The following LYPD6 variants were observed in gnomAD, a reference collection of about 807,000 sequenced individuals.
The protein encoded by LYPD6 is ly6/PLAUR domain-containing protein 6.
In LYPD6, 15 loss-of-function variants were observed where a neutral mutation model predicts 22.7. The ratio of observed to expected loss-of-function variants is 0.66; its 90% confidence interval spans 0.44 to 1.02. LYPD6 has a LOEUF of 1.02. Ranked by LOEUF, LYPD6 falls within the 50% of genes least tolerant of loss-of-function variation. The probability of loss-of-function intolerance (pLI) is 0.00; values close to 1 mark genes in which losing one functional copy is unlikely to be tolerated. For missense variants in LYPD6, 189 were observed against 208.4 expected (o/e 0.91, Z 0.57); for synonymous variants, 72 against 77.5 (o/e 0.93, Z 0.37).
intron 2 of LYPD6, among the ~76,000 whole-genome samples, chr2:149,439,254 A>G (rs1573809052): frequency 6.6e-6 from 1 of 152,306 alleles, no homozygotes; most frequent in Middle Eastern, 3.4e-3. Flanking sequence ...GTACCCTCTT[A>G]TCAGTATAGT....
At chr2:149,338,777 T>C (rs1412204090) in intron 1 of LYPD6, among the ~76,000 whole-genome samples, 1 of 152,174 alleles carries the variant, frequency 6.6e-6, no homozygotes, top group African/African-American at 2.4e-5. Context: ...CCAGAAGGGA[T>C]CTAGGAGTCA....
chr2:149,420,640 G>A lies in LYPD6; in HGVS notation c.-71-16998G>A, dbSNP rs976722529. On this transcript the variant is annotated intron_variant, in intron 1 of 4. Transcript: ENST00000334166. ...TGAAGAGAATCCCATCAGGTTTAGGGCTGAGCATTGTAGAAACCAGGAAAG... is the reference window on the plus strand; with the variant it reads ...TGAAGAGAATCCCATCAGGTTTAGGACTGAGCATTGTAGAAACCAGGAAAG... Among the ~76,000 whole-genome samples, 3 of 152,164 alleles carry A rather than the reference G, an allele frequency of 2.0e-5. No individual in the cohort carries two copies. In the East Asian group the frequency reaches 5.8e-4, roughly 29 times the overall value.
rs142368740 is a variant in LYPD6 at position 149,384,537 on chromosome 2, G to A, written c.-71-53101G>A. 1.3e-3 allele frequency among the ~76,000 whole-genome samples: 201 copies of A among 152,180 alleles called. 2 individuals carry two copies. The highest frequency in any genetic ancestry group is 2.5e-3 in the Non-Finnish European group (171 of 67,988). On this transcript the variant is annotated intron_variant, in intron 1 of 4. Coordinates refer to ENST00000334166, the MANE Select transcript of LYPD6 (RefSeq NM_194317.5). ...CCCCAGTCATGGGCACTGGTTGGGGGAACATTCCATTTGACATGGCGCCTA... is the reference window on the plus strand; with the variant it reads ...CCCCAGTCATGGGCACTGGTTGGGGAAACATTCCATTTGACATGGCGCCTA...
chr2:149,357,700 A>G (rs528843068), intron 1 of LYPD6, among the ~76,000 whole-genome samples: 2 of 152,250 alleles, frequency 1.3e-5, no homozygotes, highest in South Asian at 2.1e-4. Context: ...ATTTTATTCA[A>G]TTAATTTTCA....
Position 149,451,002 on chromosome 2 carries a change from T to A in LYPD6, c.217+1855T>A, listed in dbSNP as rs7600542. Among the ~76,000 whole-genome samples the A allele has an allele frequency of 7.6e-3, 1,161 of 152,338 alleles. 14 individuals carry two copies. The highest frequency in any genetic ancestry group is 0.026 in the African/African-American group (1,083 of 41,572). On this transcript the variant is annotated intron_variant, in intron 3 of 4. Coordinates refer to ENST00000334166, the MANE Select transcript of LYPD6 (RefSeq NM_194317.5). ...TTTGCTTTTGAAGCTGTTGCCCTGT[T>A]GGTCAGAGCTAGTATATAGGAAGCG...
intron 1 of LYPD6, among the ~76,000 whole-genome samples, chr2:149,410,986 A>G (rs148994681): frequency 1.3e-5 from 2 of 152,344 alleles, no homozygotes; most frequent in East Asian, 1.9e-4. Context: ...TGTGAAGAGT[A>G]TCTCCAGATC....
chr2:149,428,771 CT>C (rs1328665271), intron 1 of LYPD6, among the ~76,000 whole-genome samples: 2 of 152,154 alleles, frequency 1.3e-5, no homozygotes, highest in African/African-American at 4.8e-5. Context: ...CGAATGCCCC[CT>C]AGAACTTTGG....
chr2:149,443,836 T>G (rs936032955), intron 2 of LYPD6, among the ~76,000 whole-genome samples: 23 of 152,184 alleles, frequency 1.5e-4, no homozygotes, highest in Non-Finnish European at 1.5e-5. Context: ...ATGCAAATTT[T>G]TTGGTCTCCT....
intron 1 of LYPD6, among the ~76,000 whole-genome samples, chr2:149,371,458 TC>T (rs1177922925): frequency 6.6e-6 from 1 of 152,216 alleles, no homozygotes; most frequent in Non-Finnish European, 1.5e-5. Flanking sequence ...CAGTATTTTT[TC>T]CTCTAAGAAA....
downstream of LYPD6, among the ~76,000 whole-genome samples, chr2:149,478,641 C>T (rs1485156681): frequency 1.3e-5 from 2 of 152,036 alleles, no homozygotes; most frequent in South Asian, 2.1e-4. Flanking sequence ...CCAGACTGGT[C>T]GAAAACTCCT....
At chr2:149,480,736 G>A in the LYPD6 span, among the ~76,000 whole-genome samples, 9 of 152,248 alleles carry the variant, frequency 5.9e-5, no homozygotes, top group Admixed American at 1.3e-4. Context: ...TTGGGGGAGC[G>A]TTGCCCCAGC....
At chr2:149,353,673 A>G (rs2105061154) in intron 1 of LYPD6, among the ~76,000 whole-genome samples, 1 of 152,294 alleles carries the variant, frequency 6.6e-6, no homozygotes, top group East Asian at 1.9e-4. Context: ...ATGGAAGGCA[A>G]ATGAATTTGA....
intron 1 of LYPD6, among the ~76,000 whole-genome samples, chr2:149,383,386 G>A (rs907816214): frequency 3.3e-5 from 5 of 152,044 alleles, no homozygotes; most frequent in Non-Finnish European, 4.4e-5. Flanking sequence ...TTTTTGGGGG[G>A]TAGGGTGATT....
intron 1 of LYPD6, among the ~76,000 whole-genome samples, chr2:149,419,239 C>T (rs992531694): frequency 2.0e-5 from 3 of 152,182 alleles, no homozygotes; most frequent in African/African-American, 7.2e-5. Flanking sequence ...TTACTGGGCT[C>T]TAATGATCAG....
chr2:149,404,586 A>G (rs1489600213), intron 1 of LYPD6, among the ~76,000 whole-genome samples: 1 of 152,190 alleles, frequency 6.6e-6, no homozygotes, highest in African/African-American at 2.4e-5. Flanking sequence ...TTGATTTTGT[A>G]TCCTGAGACT....
chr2:149,428,426 C>T (rs955716691), intron 1 of LYPD6, among the ~76,000 whole-genome samples: 1 of 152,178 alleles, frequency 6.6e-6, no homozygotes, highest in African/African-American at 2.4e-5. Flanking sequence ...TTTTTTGACT[C>T]TCTCTCATCA....
At chr2:149,367,217 C>G (rs1354183433) in intron 1 of LYPD6, among the ~76,000 whole-genome samples, 1 of 152,114 alleles carries the variant, frequency 6.6e-6, no homozygotes, top group Non-Finnish European at 1.5e-5. Flanking sequence ...CGGTTGTTAG[C>G]CAGGACAGGG....
chr2:149,456,603 C>T (rs1003385911), intron 3 of LYPD6, among the ~76,000 whole-genome samples: 1 of 152,148 alleles, frequency 6.6e-6, no homozygotes. Context: ...TCCAGTCTGA[C>T]AAGCATCCTT....
chr2:149,341,384 G>C (rs561221931), intron 1 of LYPD6, among the ~76,000 whole-genome samples: 2 of 151,908 alleles, frequency 1.3e-5, no homozygotes, highest in African/African-American at 2.4e-5. Context: ...GCTCTTTTAC[G>C]TATACCTGTA....
Sources: allele counts gnomAD v4.1 joint callset (sites outside exome capture counted in the v4.1 genomes callset), GRCh38; gene constraint gnomAD v4.1.1; transcripts MANE v1.5; gene names NCBI Gene and HGNC (gene_info 2026-07-23, HGNC 2026-07-21).